The following CACTIN variants were observed in gnomAD, a reference collection of about 807,000 sequenced individuals.
CACTIN encodes cactin, spliceosome C complex subunit, also known as splicing factor Cactin.
A neutral mutation model predicts 84.9 loss-of-function variants in CACTIN; 20 were observed. The ratio of observed to expected loss-of-function variants is 0.24; its 90% CI spans 0.17 to 0.34. The LOEUF (loss-of-function observed/expected upper bound fraction) is 0.34, where lower values mean the gene tolerates loss of function less well. CACTIN is among the 10% of genes least tolerant of loss of function. The pLI, the probability that CACTIN is intolerant of heterozygous loss-of-function variation, is 1.00. For synonymous variants in CACTIN, 549 were observed against 467.9 expected (o/e 1.17, Z -2.24); for missense variants, 897 against 1,117.2 (o/e 0.80, Z 2.81).
intron 2 of CACTIN, chr19:3,621,014 A>C: frequency 1.5e-6 from 1 of 674,382 alleles, no homozygotes; most frequent in Non-Finnish European, 2.7e-6. Context: ...AGTGAGATGT[A>C]TGCAAAGGGT....
chr19:3,612,531 G>C (rs1197356490), intron 9 of CACTIN, 118 bp from the exon 10 acceptor site: 2 of 1,391,710 alleles, frequency 1.4e-6, no homozygotes, highest in Non-Finnish European at 1.9e-6. Flanking sequence ...ACAGGCTGGG[G>C]CGAGCTAAGG....
At chr19:3,626,087 T>C (rs547402068) in intron 1 of CACTIN, among the ~76,000 whole-genome samples, 1 of 152,296 alleles carries the variant, frequency 6.6e-6, no homozygotes, top group South Asian at 2.1e-4. Flanking sequence ...TTGCCCGCTG[T>C]GGTTGACTAC....
intron 3 of CACTIN, 57 bp downstream of exon 3, chr19:3,620,650 G>A (rs1261451616): frequency 1.1e-4 from 150 of 1,404,414 alleles, no homozygotes; most frequent in Non-Finnish European, 3.5e-5. Flanking sequence ...CAAAGGGGGC[G>A]GGCCTCCAGG....
intron 2 of CACTIN, among the ~76,000 whole-genome samples, chr19:3,621,891 C>G (rs1227233594): frequency 6.6e-6 from 1 of 152,126 alleles, no homozygotes; most frequent in Non-Finnish European, 1.5e-5. Context: ...CGACATCGGG[C>G]AGAAGCCACC....
At position 3,613,659 on chromosome 19, in the gene CACTIN, C is replaced by T. The variant is rs565133414; in HGVS notation, c.1356-73G>A. The T allele has an allele frequency of 2.2e-5, 34 of 1,531,282 alleles. No homozygotes were observed. In the Admixed American group the frequency reaches 5.4e-4, roughly 24 times the overall value. The allele number at this position is 1,531,282 out of a possible 1,614,324, so 94.9% of individuals were successfully genotyped here. ...CGCCCCACCCCCACCGAGATTCTCACGCCCCTTATTGCTGCAAGGACCCTG... is the reference window on the plus strand; with the variant it reads ...CGCCCCACCCCCACCGAGATTCTCATGCCCCTTATTGCTGCAAGGACCCTG... On this transcript the variant is annotated intron_variant, in intron 7 of 9. Coordinates refer to ENST00000429344, the MANE Select transcript of CACTIN (RefSeq NM_001080543.2).
intron 3 of CACTIN, 54 bp from the exon 4 acceptor site, chr19:3,620,326 G>T (rs180869159): frequency 2.0e-6 from 3 of 1,518,872 alleles, no homozygotes; most frequent in Admixed American, 2.0e-5. Context: ...GCAGGGCTGC[G>T]GGGGGAGGGG....
At position 3,610,936 on chromosome 19, in the gene CACTIN, G is replaced by A. The variant is rs768135419; in HGVS notation, c.*987C>T. ...CTGCCGGCTGGGCCACTCCGACCTG[G>A]GCTGTGGCACCCGTGTGGCCCTCGG... is the stretch of plus-strand genomic sequence containing the variant. On this transcript the variant is annotated 3_prime_UTR_variant, in exon 10 of 10. Transcript: ENST00000429344. The A allele has an allele frequency of 3.9e-4, 177 of 456,616 alleles. No individual in the cohort carries two copies. Among genetic ancestry groups the A allele is most frequent in the Non-Finnish European group, 7.0e-4 (158 of 226,984 alleles). 28.3% of individuals were successfully genotyped at this position (456,616 alleles called of 1,614,324 possible).
In CACTIN at chr19:3,612,912, G is replaced by T. The variant is rs778540441; in HGVS notation, c.1786+146C>A. On this transcript the variant is annotated intron_variant, in intron 9 of 9. Transcript: ENST00000429344. ...ACGCCCCAGTGCGCGTGCAGGTGAC[G>T]GAATGCACGCTCAGAGACCCGGGGG... 5 of 994,304 alleles carry T rather than the reference G, an allele frequency of 5.0e-6. 1 individual carries two copies. In the South Asian group the frequency reaches 5.5e-5, roughly 11 times the overall value. The allele number at this position is 994,304 out of a possible 1,614,324, so 61.6% of individuals were successfully genotyped here.
chr19:3,613,602 G>A lies in CACTIN; in HGVS notation c.1356-16C>T, dbSNP rs765908996. On this transcript the variant is annotated splice_polypyrimidine_tract_variant and intron_variant, in intron 7 of 9. Transcript: ENST00000429344. The stretch of plus-strand genomic sequence containing the variant: ...CTCACGCAGCCTGGGACGCAGAGCC[G>A]GGGTCACCCGCATGGAGGCGAAGGG... The A allele has an allele frequency of 9.4e-6, 15 of 1,591,942 alleles. No homozygotes were observed. The Admixed American group carries it at 1.9e-4, about 20-fold the overall frequency.
Position 3,620,751 on chromosome 19 carries a change from G to T in CACTIN, c.694C>A (p.Arg232=). ...TTGTCCTCCTGGATCCTCTTGTTCC[G>T]CTCCTTCAGCTCCTTCTCCTCCAGG... ...SHLEEKELKE[R]NKRIQEDNRL... Residue 232 remains arginine (R), a synonymous_variant, in exon 3 of 10, where the codon CGG becomes AGG. Transcript: ENST00000429344. 1 of 1,613,354 alleles carries T rather than the reference G, an allele frequency of 6.2e-7. No homozygotes were observed. The highest frequency in any genetic ancestry group is 8.5e-7 in the Non-Finnish European group (1 of 1,179,860).
rs2033189769 is a variant in CACTIN, at chr19:3,620,028, G to A, written c.884+99C>T. The stretch of plus-strand genomic sequence containing the variant: ...GAAGGTCCCAGGAAGTGCCGTGTGG[G>A]ACCCTGAAGGGTGGGAGAGCAGTGG... On this transcript the variant is annotated intron_variant, in intron 4 of 9. Transcript: ENST00000429344. 1.1e-5 allele frequency: 16 copies of A among 1,420,396 alleles called. 1 individual carries two copies. In the Admixed American group the frequency reaches 1.1e-4, roughly 10 times the overall value. The allele number at this position is 1,420,396 out of a possible 1,614,324, so 88.0% of individuals were successfully genotyped here. A position where few individuals can be genotyped will look rare whatever the true frequency, so the allele number is the denominator to read the frequency against.
At chr19:3,614,669 C>G in intron 6 of CACTIN, 80 bp from the exon 7 acceptor site, 1 of 1,152,996 alleles carries the variant, frequency 8.7e-7, no homozygotes, top group Non-Finnish European at 1.3e-6. Context: ...TCCTCCCCTG[C>G]CATGGGGGGG....
intron 2 of CACTIN, among the ~76,000 whole-genome samples, chr19:3,621,182 C>T (rs889957617): frequency 3.0e-4 from 46 of 152,360 alleles, no homozygotes; most frequent in Admixed American, 1.2e-3. Flanking sequence ...GTGCTTCGGA[C>T]GTGAAGGCCA....
At position 3,614,445 on chromosome 19, in the gene CACTIN, T is replaced by C; in HGVS notation, c.1307A>G (p.Tyr436Cys). 1 of 1,595,208 alleles carries C rather than the reference T, an allele frequency of 6.3e-7. No homozygotes were observed. ...RAGGPNLDMG[Y>C]WESLLQQLRA... ...AAGCTGCTGCAGGAGGCTCTCCCAG[T>C]AGCCCATGTCCAGGTTGGGGCCACC... Residue 436 changes from tyrosine (Y) to cysteine (C), a missense_variant, in exon 7 of 10, where the codon TAC becomes TGC. Tyr to Cys is a radical substitution (Grantham distance 194). Coordinates refer to ENST00000429344, the MANE Select transcript of CACTIN (RefSeq NM_001080543.2).
At chr19:3,614,796 C>G (rs2033068654) in intron 6 of CACTIN, 2 of 599,840 alleles carry the variant, frequency 3.3e-6, no homozygotes, top group African/African-American at 3.7e-5. Context: ...AGGTTGGGAG[C>G]CACGTTAAGA....
At chr19:3,621,161 C>T (rs1391190113) in intron 2 of CACTIN, 3 of 396,644 alleles carry the variant, frequency 7.6e-6, no homozygotes, top group African/African-American at 2.1e-5. Flanking sequence ...TCGCTTTACC[C>T]GGGAGTCTGA....
At position 3,615,756 on chromosome 19, in the gene CACTIN, G is replaced by A. The variant is rs952733661; in HGVS notation, c.1163-1167C>T. 1 of 152,186 alleles carries A rather than the reference G, an allele frequency of 6.6e-6. No individual in the cohort carries two copies. Among genetic ancestry groups the A allele is most frequent in the Non-Finnish European group, 1.5e-5 (1 of 68,156 alleles). 9.4% of individuals were successfully genotyped at this position (152,186 alleles called of 1,614,324 possible). The stretch of plus-strand genomic sequence containing the variant: ...CTCCAGTCCCCGCTGGCGGACAGAG[G>A]GTCAAGAGGCCCACACCTACACCAC... On this transcript the variant is annotated intron_variant, in intron 6 of 9. Coordinates refer to ENST00000429344, the MANE Select transcript of CACTIN (RefSeq NM_001080543.2). The surrounding 1 kb of genome is among the most constrained non-coding windows in gnomAD (Gnocchi z 5.2).
chr19:3,626,777 G>T lies in CACTIN; in HGVS notation c.-15C>A, dbSNP rs1303880744. On this transcript the variant is annotated 5_prime_UTR_variant, in exon 1 of 10. Transcript: ENST00000429344. ...TCCCGACCCATCGGCTGGGCCAGTG[G>T]CCGCGGCACCAACACCAATAGCCGA... The T allele has an allele frequency of 8.8e-5, 121 of 1,370,254 alleles. No individual in the cohort carries two copies. The highest frequency in any genetic ancestry group is 1.0e-4 in the Non-Finnish European group (111 of 1,059,310). The allele number at this position is 1,370,254 out of a possible 1,614,324, so 84.9% of individuals were successfully genotyped here.
At chr19:3,613,803 T>C (rs2033038655) in intron 7 of CACTIN, 1 of 605,994 alleles carries the variant, frequency 1.7e-6, no homozygotes, top group South Asian at 2.2e-5. Context: ...AACCATCCCA[T>C]GGCAGGGAGA....
Sources: gnomAD v4.1 joint callset for allele counts (sites outside exome capture counted in the v4.1 genomes callset) on GRCh38, gnomAD v4.1.1 for gene constraint, Gnocchi (gnomAD v3.1) non-coding constraint, MANE v1.5 for transcripts, NCBI Gene and HGNC (gene_info 2026-07-23, HGNC 2026-07-21) for gene names.